MINDY3: variants seen among roughly 807,000 people sequenced by gnomAD.
MINDY3 encodes ubiquitin carboxyl-terminal hydrolase MINDY-3.
In MINDY3, 38 loss-of-function variants were observed where a neutral mutation model predicts 69.2. The ratio of observed to expected loss-of-function variants is 0.55; its 90% CI spans 0.42 to 0.72. The LOEUF (loss-of-function observed/expected upper bound fraction) is 0.72. Ranked by LOEUF, MINDY3 falls within the 30% of genes least tolerant of loss-of-function variation. MINDY3 has a pLI of 0.00. For missense variants in MINDY3, 522 were observed against 519.0 expected (o/e 1.01, Z -0.06); for synonymous variants, 192 against 180.1 (o/e 1.07, Z -0.53).
chr10:15,792,789 CAA>C (rs1330206273), intron 11 of MINDY3, among the ~76,000 whole-genome samples: 1 of 151,926 alleles, frequency 6.6e-6, no homozygotes, highest in Non-Finnish European at 1.5e-5. Flanking sequence ...AAGAAGAAAA[CAA>C]AATTCATTAT....
At chr10:15,812,234 C>T (rs1222756714) in intron 10 of MINDY3, among the ~76,000 whole-genome samples, 1 of 152,168 alleles carries the variant, frequency 6.6e-6, no homozygotes, top group Non-Finnish European at 1.5e-5. Flanking sequence ...AGCCCCTGCG[C>T]CCGGCCAATT....
intron 2 of MINDY3, among the ~76,000 whole-genome samples, chr10:15,845,674 A>ATT (rs1353427101): frequency 5.1e-5 from 7 of 137,568 alleles, no homozygotes; most frequent in Non-Finnish European, 4.8e-5. Context: ...AATTTTTTCA[A>ATT]TTTTTTTTTT....
At chr10:15,789,362 C>G (rs41289287) in intron 11 of MINDY3, 43 bp from the exon 12 acceptor site, 17,863 of 1,462,248 alleles carry the variant, frequency 0.012, 144 homozygotes, top group Non-Finnish European at 0.015. Context: ...TAAGAATTTA[C>G]TTCAAGAAAT....
intron 1 of MINDY3, among the ~76,000 whole-genome samples, chr10:15,853,248 T>A (rs1222401010): frequency 2.0e-5 from 3 of 151,894 alleles, no homozygotes; most frequent in South Asian, 2.1e-4. Context: ...CTCCAAGTCC[T>A]GAAAAAGAGC....
At chr10:15,787,541 G>A (rs536822113) in intron 12 of MINDY3, among the ~76,000 whole-genome samples, 5 of 152,098 alleles carry the variant, frequency 3.3e-5, no homozygotes, top group South Asian at 4.1e-4. Context: ...TTGCCTCTTC[G>A]GTCTGGGTCA....
chr10:15,835,832 CTT>C (rs1342932440), intron 6 of MINDY3, among the ~76,000 whole-genome samples: 1 of 151,966 alleles, frequency 6.6e-6, no homozygotes, highest in East Asian at 1.9e-4. Context: ...AAATATACTC[CTT>C]TTGTTTTCCA....
chr10:15,819,033 T>G (rs1588582088), intron 9 of MINDY3, among the ~76,000 whole-genome samples: 1 of 152,206 alleles, frequency 6.6e-6, no homozygotes, highest in Admixed American at 6.5e-5. Flanking sequence ...AAAGTAGCCA[T>G]AGCCACCTTA....
intron 9 of MINDY3, chr10:15,817,425 A>T (rs1839448878): frequency 6.5e-6 from 1 of 152,676 alleles, no homozygotes; most frequent in Non-Finnish European, 1.5e-5. Context: ...CTGTTATTTG[A>T]CTCTTCATGA....
chr10:15,800,024 A>G (rs1234949917), intron 10 of MINDY3, among the ~76,000 whole-genome samples: 1 of 152,180 alleles, frequency 6.6e-6, no homozygotes, highest in Non-Finnish European at 1.5e-5. Flanking sequence ...CTCAAACAAC[A>G]TGGATATGAA....
chr10:15,809,634 C>T (rs941939163), intron 10 of MINDY3, among the ~76,000 whole-genome samples: 4 of 152,092 alleles, frequency 2.6e-5, no homozygotes, highest in African/African-American at 4.8e-5. Context: ...TCACCTCACC[C>T]GTATCCTCTT....
intron 1 of MINDY3, among the ~76,000 whole-genome samples, chr10:15,850,617 T>C (rs183102451): frequency 2.7e-4 from 41 of 152,208 alleles, no homozygotes; most frequent in African/African-American, 7.9e-4. Context: ...CCTAGTAAAT[T>C]TTAGTCAGAC....
At chr10:15,843,081 T>C in intron 3 of MINDY3, 131 bp downstream of exon 3, 1 of 746,278 alleles carries the variant, frequency 1.3e-6, no homozygotes, top group Non-Finnish European at 2.3e-6. Context: ...TTCATGAAAC[T>C]TTCTAAAACA....
At chr10:15,834,215 G>A (rs971638722) in intron 7 of MINDY3, among the ~76,000 whole-genome samples, 2 of 151,868 alleles carry the variant, frequency 1.3e-5, no homozygotes, top group African/African-American at 4.8e-5. Context: ...CTCCCAAGCA[G>A]AGAAGCACTT....
chr10:15,860,502 G>A lies in MINDY3; in HGVS notation c.-203C>T, dbSNP rs1201718903. On this transcript the variant is annotated 5_prime_UTR_variant, in exon 1 of 15. Transcript: ENST00000277632. ...GGGGCAGCAGCGAGTTTTCCGTACC[G>A]GAAGTGCTGGTGCCACTTCCGACTC... 6 of 601,158 alleles carry A rather than the reference G, an allele frequency of 1.0e-5. No individual in the cohort carries two copies. The African/African-American group carries it at 1.1e-4, about 11-fold the overall frequency. 37.2% of individuals were successfully genotyped at this position (601,158 alleles called of 1,614,324 possible).
intron 9 of MINDY3, among the ~76,000 whole-genome samples, chr10:15,821,276 T>G (rs1839738950): frequency 6.6e-6 from 1 of 152,242 alleles, no homozygotes; most frequent in African/African-American, 2.4e-5. Context: ...CTTTGCCTAA[T>G]AAAGTATTAC....
chr10:15,833,644 T>A lies in MINDY3; in HGVS notation c.716A>T (p.Glu239Val). The A allele has an allele frequency of 6.2e-7, 1 of 1,604,842 alleles. No homozygotes were observed. The highest frequency in any genetic ancestry group is 8.5e-7 in the Non-Finnish European group (1 of 1,171,904). Residue 239 changes from glutamate to valine, a missense_variant, in exon 8 of 15, where the codon GAG (glutamate) becomes GTG (valine). Glu to Val is a moderately radical substitution (Grantham distance 121). Transcript: ENST00000277632. ...AVSNVWDGDR[E>V]CSGMKLLGIH... The stretch of plus-strand genomic sequence containing the variant: ...AATATACTTACTCATTCCTGAGCAC[T>A]CTCTATCACCATCCCATACATTAGA...
Position 15,837,229 on chromosome 10 carries a change from A to C in MINDY3, c.551T>G (p.Phe184Cys), listed in dbSNP as rs1414478504. The change falls in exon 6 of 15, where the codon TTT (phenylalanine) becomes TGT (cysteine). Residue 184 changes from phenylalanine to cysteine, a missense_variant. Transcript: ENST00000277632. ...MWGNKFGVLLFLYSVLLTKGI... is the reference protein window; with the variant it reads ...MWGNKFGVLLCLYSVLLTKGI... ...CTTTGTCAGTAATACAGAATACAGA[A>C]AAAGCAATACTCCAAATTTATTTCC... The C allele has an allele frequency of 1.2e-6, 2 of 1,602,496 alleles. No individual in the cohort carries two copies. The highest frequency in any genetic ancestry group is 3.4e-5 in the Admixed American group (2 of 59,154).
intron 7 of MINDY3, 140 bp from the exon 8 acceptor site, chr10:15,833,849 A>T (rs915903403): frequency 1.6e-6 from 1 of 640,674 alleles, no homozygotes; most frequent in Non-Finnish European, 2.8e-6. Flanking sequence ...TTACATTTTC[A>T]ATTTTATATA....
At chr10:15,817,036 T>C (rs1007754497) in intron 9 of MINDY3, 121 bp from the exon 10 acceptor site, 7 of 734,926 alleles carry the variant, frequency 9.5e-6, no homozygotes, top group African/African-American at 7.1e-5. Flanking sequence ...AATAATGTAT[T>C]GTGCCCGAGC....
Sources: allele counts gnomAD v4.1 joint callset (sites outside exome capture counted in the v4.1 genomes callset), GRCh38; gene constraint gnomAD v4.1.1; transcripts MANE v1.5; gene names NCBI Gene and HGNC (gene_info 2026-07-23, HGNC 2026-07-21).